ULK4: variants seen among roughly 807,000 people sequenced by gnomAD.
ULK4 encodes the protein unc-51 like kinase 4.
In ULK4, 133 loss-of-function variants were observed where a neutral mutation model predicts 160.6. The observed-to-expected ratio is 0.83, with a 90% confidence interval of 0.72 to 0.96. The LOEUF (loss-of-function observed/expected upper bound fraction) is 0.96. ULK4 is among the 40% of genes least tolerant of loss of function. ULK4 has a pLI of 0.00. For synonymous variants in ULK4, 534 were observed against 539.8 expected (o/e 0.99, Z 0.15); for missense variants, 1,580 against 1,499.5 (o/e 1.05, Z -0.89).
intron 22 of ULK4, among the ~76,000 whole-genome samples, chr3:41,753,000 C>T (rs2038681600): frequency 6.6e-6 from 1 of 152,108 alleles, no homozygotes; most frequent in Non-Finnish European, 1.5e-5. Context: ...ATCACTCAAG[C>T]CCAGCAGTTC....
chr3:41,493,971 T>C (rs1029671769), intron 32 of ULK4, among the ~76,000 whole-genome samples: 11 of 149,090 alleles, frequency 7.4e-5, no homozygotes, highest in Non-Finnish European at 1.6e-4. Context: ...CAGGACCAGA[T>C]GGATTCACAG....
Position 41,899,643 on chromosome 3 carries a change from G to A in ULK4, c.1287+1082C>T, listed in dbSNP as rs140108416. On this transcript the variant is annotated intron_variant, in intron 13 of 36. Coordinates refer to ENST00000301831, the MANE Select transcript of ULK4 (RefSeq NM_017886.4). The stretch of plus-strand genomic sequence containing the variant: ...TTTGTTTTTTAGTTCATCAGCTATC[G>A]TTAGTGTATTTTATGTGTGCCCCAA... Among the ~76,000 whole-genome samples the A allele has an allele frequency of 2.3e-3, 349 of 152,046 alleles. 1 individual carries two copies. The highest frequency in any genetic ancestry group is 8.2e-3 in the African/African-American group (338 of 41,450).
chr3:41,816,542 T>C (rs1305554606), intron 19 of ULK4, among the ~76,000 whole-genome samples: 2 of 152,040 alleles, frequency 1.3e-5, no homozygotes, highest in South Asian at 2.1e-4. Context: ...CATGGCTGGG[T>C]GCAGTGGCTG....
At chr3:41,622,428 T>A (rs1167560899) in intron 30 of ULK4, among the ~76,000 whole-genome samples, 1 of 151,998 alleles carries the variant, frequency 6.6e-6, no homozygotes, top group Admixed American at 6.6e-5. Context: ...CCATGAAAAG[T>A]AGGAGTTTGT....
At position 41,903,021 on chromosome 3, in the gene ULK4, C is replaced by T. The variant is rs1698429317; in HGVS notation, c.1183-2192G>A. Among the ~76,000 whole-genome samples the T allele has an allele frequency of 2.6e-5, 4 of 152,164 alleles. No homozygotes were observed. The South Asian group carries it at 6.2e-4, about 24-fold the overall frequency. On this transcript the variant is annotated intron_variant, in intron 12 of 36. Transcript: ENST00000301831. ...GGGAGCAATGGAGAACTGAGGGGACCAGTTAGCAGGTTACTGCAAAGCCTG... is the reference window on the plus strand; with the variant it reads ...GGGAGCAATGGAGAACTGAGGGGACTAGTTAGCAGGTTACTGCAAAGCCTG...
chr3:41,675,848 T>C (rs1383174025), intron 29 of ULK4, among the ~76,000 whole-genome samples: 1 of 152,228 alleles, frequency 6.6e-6, no homozygotes, highest in Non-Finnish European at 1.5e-5. Flanking sequence ...ACCAATGCCT[T>C]GATTTCAGAC....
rs1699761879 is a variant in ULK4 at position 41,935,903 on chromosome 3, G to T, written c.276C>A (p.Asn92Lys). 6.2e-7 allele frequency: 1 copy of T among 1,613,700 alleles called. No individual in the cohort carries two copies. The highest frequency in any genetic ancestry group is 1.1e-5 in the South Asian group (1 of 91,022). The change falls in exon 4 of 37, where the codon AAC (asparagine) becomes AAA (lysine). Residue 92 changes from asparagine (N) to lysine (K), a missense_variant. Physicochemically the swap from Asn to Lys is moderately conservative, Grantham distance 94. Transcript: ENST00000301831. ...SLKTVIAQDENLPEDVVREFG... is the reference protein window; with the variant it reads ...SLKTVIAQDEKLPEDVVREFG... ...ATTCTCTCACAACATCTTCTGGGAG[G>T]TTTTCATCTTGAGCAATAACTGTTT...
intron 35 of ULK4, among the ~76,000 whole-genome samples, chr3:41,286,388 T>C (rs146641893): frequency 8.3e-4 from 127 of 152,130 alleles, no homozygotes; most frequent in African/African-American, 3.0e-3. Flanking sequence ...GGTAGCTACA[T>C]GAGGTTGCAT....
chr3:41,537,537 T>C (rs1019510404), intron 32 of ULK4, among the ~76,000 whole-genome samples: 8 of 152,220 alleles, frequency 5.3e-5, no homozygotes, highest in Admixed American at 2.6e-4. Flanking sequence ...TTACAGGCAC[T>C]GTGTTTGGTG....
intron 29 of ULK4, among the ~76,000 whole-genome samples, chr3:41,668,785 T>C (rs757214037): frequency 1.1e-4 from 17 of 152,090 alleles, no homozygotes; most frequent in Non-Finnish European, 2.4e-4. Context: ...AGGAAAAAAT[T>C]TTGACTTTAT....
At chr3:41,917,857 G>A (rs1346581920) in intron 7 of ULK4, among the ~76,000 whole-genome samples, 1 of 151,928 alleles carries the variant, frequency 6.6e-6, no homozygotes, top group Non-Finnish European at 1.5e-5. Context: ...TGCCGTGGTG[G>A]GCACCTGTAG....
intron 25 of ULK4, among the ~76,000 whole-genome samples, chr3:41,707,279 G>A (rs1389210568): frequency 6.6e-6 from 1 of 152,032 alleles, no homozygotes; most frequent in Non-Finnish European, 1.5e-5. Context: ...GAAAAACAAA[G>A]GGGTAAACCT....
intron 32 of ULK4, among the ~76,000 whole-genome samples, chr3:41,551,520 A>G (rs2087065672): frequency 6.6e-6 from 1 of 151,928 alleles, no homozygotes; most frequent in South Asian, 2.1e-4. Context: ...GAAAACCTAG[A>G]GAAAATAGAC....
chr3:41,598,561 T>C (rs1314381403), intron 31 of ULK4, among the ~76,000 whole-genome samples: 1 of 152,202 alleles, frequency 6.6e-6, no homozygotes, highest in Non-Finnish European at 1.5e-5. Context: ...ACGTAAATCA[T>C]GTGGGAACAG....
chr3:41,669,258 G>C (rs1227522273), intron 29 of ULK4, among the ~76,000 whole-genome samples: 1 of 152,054 alleles, frequency 6.6e-6, no homozygotes, highest in Non-Finnish European at 1.5e-5. Context: ...TTAAGGGTCG[G>C]GGGGAGAGAC....
intron 32 of ULK4, among the ~76,000 whole-genome samples, chr3:41,468,335 G>A (rs1214681679): frequency 6.6e-6 from 1 of 152,136 alleles, no homozygotes; most frequent in African/African-American, 2.4e-5. Flanking sequence ...ACTGAGGGTC[G>A]AGTAAGTCCC....
chr3:41,467,044 C>T lies in ULK4; in HGVS notation c.3227-3791G>A, dbSNP rs547604926. On this transcript the variant is annotated intron_variant, in intron 32 of 36. Transcript: ENST00000301831. ...AAATAATTATAATCTAAAAAACTAA[C>T]ACAAAATGTTAGTAATGATGTGCAG... 2.0e-4 allele frequency among the ~76,000 whole-genome samples: 30 copies of T among 152,178 alleles called. No homozygotes were observed. The South Asian group carries it at 6.0e-3, about 31-fold the overall frequency.
chr3:41,501,506 C>G (rs1350976023), intron 32 of ULK4, among the ~76,000 whole-genome samples: 2 of 151,792 alleles, frequency 1.3e-5, no homozygotes, highest in Non-Finnish European at 2.9e-5. Flanking sequence ...TCAAAACAAA[C>G]AAAACAAAAC....
In ULK4 at chr3:41,681,648, C is replaced by T. The variant is rs2035926552; in HGVS notation, c.2838G>A (p.Glu946=). Residue 946 remains glutamate, a synonymous_variant, in exon 29 of 37, where the codon GAG becomes GAA. Transcript: ENST00000301831. The part of the protein sequence containing the change: ...LVSLVQSQNV[E]WRLFSLRLLS... ...GCAACCGCAAGCTAAAGAGTCTCCA[C>T]TCCACTTGAAAGAAAAAAAAAATGC... is the stretch of plus-strand genomic sequence containing the variant. The T allele has an allele frequency of 6.2e-7, 1 of 1,613,412 alleles. No individual in the cohort carries two copies. Among genetic ancestry groups the T allele is most frequent in the African/African-American group, 1.3e-5 (1 of 74,862 alleles).
Sources: allele counts gnomAD v4.1 joint callset (sites outside exome capture counted in the v4.1 genomes callset), GRCh38; gene constraint gnomAD v4.1.1; transcripts MANE v1.5; gene names NCBI Gene and HGNC (gene_info 2026-07-23, HGNC 2026-07-21).